C14orf132: variants seen among roughly 807,000 people sequenced by gnomAD.
C14orf132 encodes chromosome 14 open reading frame 132, also known as uncharacterized protein C14orf132.
Under a neutral mutation model 5.8 loss-of-function variants are expected in C14orf132, and 6 were observed. The observed-to-expected ratio is 1.03, with a 90% CI of 0.57 to 2.04. C14orf132 has a LOEUF of 2.04. Among genes scored for constraint, C14orf132 ranks in the 30% most tolerant of loss-of-function variants. The pLI is 0.00. For synonymous variants in C14orf132, 51 were observed against 49.8 expected, an observed-to-expected ratio of 1.02 and a Z score of -0.10; for missense variants, 125 against 115.8, an observed-to-expected ratio of 1.08 and a Z score of -0.37.
At chr14:96,074,421 A>T (rs1372814654) in intron 1 of C14orf132, among the ~76,000 whole-genome samples, 1 of 152,086 alleles carries the variant, frequency 6.6e-6, no homozygotes, top group Non-Finnish European at 1.5e-5. Flanking sequence ...TTGATGTTGG[A>T]TCTAATAACT....
Position 96,087,314 on chromosome 14 carries a change from C to A in C14orf132, c.*579C>A, listed in dbSNP as rs1888226575. ...CCAAGACCCAAGTGCATTGGGAGAC[C>A]CAGGGATGGGGGGTTACTGGTAATA... is the stretch of plus-strand genomic sequence containing the variant. On this transcript the variant is annotated 3_prime_UTR_variant, in exon 2 of 2. Transcript: ENST00000555004. 2.0e-5 allele frequency: 3 copies of A among 152,158 alleles called. No homozygotes were observed. The highest frequency in any genetic ancestry group is 2.9e-5 in the Non-Finnish European group (2 of 68,388). The allele number at this position is 152,158 out of a possible 1,614,324, so 9.4% of individuals were successfully genotyped here.
chr14:96,049,518 A>G (rs147820691), intron 1 of C14orf132, among the ~76,000 whole-genome samples: 1,452 of 143,494 alleles, frequency 0.01, 27 homozygotes, highest in Admixed American at 0.03. Flanking sequence ...GTATATACGT[A>G]TATATATACA....
Position 96,086,495 on chromosome 14 carries a change from C to G in C14orf132, c.28-16C>G, listed in dbSNP as rs761024004. 4.4e-5 allele frequency: 67 copies of G among 1,535,520 alleles called. No homozygotes were observed. The highest frequency in any genetic ancestry group is 5.8e-5 in the Non-Finnish European group (67 of 1,146,484). On this transcript the variant is annotated splice_polypyrimidine_tract_variant and intron_variant, in intron 1 of 1. Transcript: ENST00000555004. Reference sequence around the variant, plus strand: ...CCCCCATGGCCCTGGATAATTCTCTCTCTCCTTCTTTGCAGCTGCCCATGA... The same window carrying G: ...CCCCCATGGCCCTGGATAATTCTCTGTCTCCTTCTTTGCAGCTGCCCATGA...
chr14:96,060,824 C>A (rs901815863), intron 1 of C14orf132, among the ~76,000 whole-genome samples: 13 of 152,202 alleles, frequency 8.5e-5, no homozygotes, highest in African/African-American at 3.1e-4. Flanking sequence ...ATCTCCCGTG[C>A]CAAACATCCA....
intron 1 of C14orf132, among the ~76,000 whole-genome samples, chr14:96,062,888 G>A (rs1041874128): frequency 5.3e-5 from 8 of 152,056 alleles, no homozygotes; most frequent in Admixed American, 4.6e-4. Flanking sequence ...GGTTACTTAT[G>A]GAGCATAATA....
At chr14:96,081,612 T>C (rs540987031) in intron 1 of C14orf132, among the ~76,000 whole-genome samples, 1 of 152,154 alleles carries the variant, frequency 6.6e-6, no homozygotes, top group Non-Finnish European at 1.5e-5. Flanking sequence ...TTTTGTTTTC[T>C]TTTTTTGAGA....
chr14:96,075,733 T>C (rs1887843691), intron 1 of C14orf132, among the ~76,000 whole-genome samples: 1 of 152,186 alleles, frequency 6.6e-6, no homozygotes, highest in African/African-American at 2.4e-5. Context: ...ATTGTAAGGA[T>C]TGATTTTTTT....
chr14:96,064,363 T>TGTACACACAC (rs1555385084), intron 1 of C14orf132, among the ~76,000 whole-genome samples: 2 of 135,858 alleles, frequency 1.5e-5, no homozygotes, highest in Non-Finnish European at 3.1e-5. Flanking sequence ...GGTGCATATA[T>TGTACACACAC]ACACACACAC....
chr14:96,067,290 G>A (rs781154567), intron 1 of C14orf132, among the ~76,000 whole-genome samples: 17 of 152,214 alleles, frequency 1.1e-4, no homozygotes, highest in Non-Finnish European at 2.4e-4. Context: ...GAAAGCCAGT[G>A]TGGCCACTGC....
At chr14:96,049,894 T>A (rs901004883) in intron 1 of C14orf132, among the ~76,000 whole-genome samples, 4 of 151,814 alleles carry the variant, frequency 2.6e-5, no homozygotes, top group Non-Finnish European at 5.9e-5. Flanking sequence ...CCCAATGTAC[T>A]TTTGATACTA....
rs967472213 is a variant in C14orf132, at chr14:96,090,766, G to A, written c.*4031G>A. Reference sequence around the variant, plus strand: ...CAGATGCTTTTCCAGCCCCGGTTCAGCTGGAAGGCTTGGAGGCTGGCCAGA... The same window carrying A: ...CAGATGCTTTTCCAGCCCCGGTTCAACTGGAAGGCTTGGAGGCTGGCCAGA... On this transcript the variant is annotated 3_prime_UTR_variant, in exon 2 of 2. Transcript: ENST00000555004. The A allele has an allele frequency of 2.4e-5, 11 of 455,978 alleles. No individual in the cohort carries two copies. The highest frequency in any genetic ancestry group is 1.2e-4 in the African/African-American group (6 of 50,086). 28.2% of individuals were successfully genotyped at this position (455,978 alleles called of 1,614,324 possible).
At position 96,057,191 on chromosome 14, in the gene C14orf132, T is replaced by C. The variant is rs189600625; in HGVS notation, c.27+17664T>C. On this transcript the variant is annotated intron_variant, in intron 1 of 1. Coordinates refer to ENST00000555004, the MANE Select transcript of C14orf132 (RefSeq NM_001252507.3). ...TAGGAAGTGATTAGACCGTGAGGGC[T>C]TAACCCCCTCATGAATGGATTAATG... Among the ~76,000 whole-genome samples, 6 of 152,078 alleles carry C rather than the reference T, an allele frequency of 3.9e-5. No homozygotes were observed. The East Asian group carries it at 1.2e-3, about 29-fold the overall frequency.
chr14:96,040,600 A>G (rs1886664728), intron 1 of C14orf132, among the ~76,000 whole-genome samples: 1 of 152,136 alleles, frequency 6.6e-6, no homozygotes, highest in Non-Finnish European at 1.5e-5. Flanking sequence ...TGACAGCAAA[A>G]TCCAGACTGT....
At chr14:96,050,023 A>G (rs944901427) in intron 1 of C14orf132, among the ~76,000 whole-genome samples, 1 of 152,186 alleles carries the variant, frequency 6.6e-6, no homozygotes, top group Non-Finnish European at 1.5e-5. Flanking sequence ...TATGGAATAC[A>G]GTTATAACAA....
In C14orf132 at chr14:96,039,442, G is replaced by A. The variant is rs1886621247; in HGVS notation, c.-59G>A. ...CCCGATCCCCGCCAACTGTGCAGGC[G>A]GCTGACCCGCAGCGGCAGCGGCAGC... is the stretch of plus-strand genomic sequence containing the variant. On this transcript the variant is annotated 5_prime_UTR_variant, in exon 1 of 2. Coordinates refer to ENST00000555004, the MANE Select transcript of C14orf132 (RefSeq NM_001252507.3). The surrounding 1 kb of genome is among the most constrained non-coding windows in gnomAD (Gnocchi z 5.3). 8 of 1,464,322 alleles carry A rather than the reference G, an allele frequency of 5.5e-6. No homozygotes were observed. Among genetic ancestry groups the A allele is most frequent in the Non-Finnish European group, 6.3e-6 (7 of 1,106,354 alleles). The allele number at this position is 1,464,322 out of a possible 1,614,324, so 90.7% of individuals were successfully genotyped here. A position where few individuals can be genotyped will look rare whatever the true frequency, so the allele number is the denominator to read the frequency against.
At chr14:96,063,129 G>A (rs1237929357) in intron 1 of C14orf132, among the ~76,000 whole-genome samples, 1 of 152,144 alleles carries the variant, frequency 6.6e-6, no homozygotes, top group African/African-American at 2.4e-5. Context: ...GGTAAGCAGA[G>A]GCCAGGGAGC....
At chr14:96,049,486 G>GCATATATATACGTATATATACGTATATA (rs1283955012) in intron 1 of C14orf132, among the ~76,000 whole-genome samples, 1 of 142,040 alleles carries the variant, frequency 7.0e-6, no homozygotes, top group Admixed American at 7.1e-5. Context: ...GTATATATAT[G>GCATATATATACGTATATATACGTATATA]CATATATATA....
At chr14:96,077,852 G>T (rs1483849643) in intron 1 of C14orf132, among the ~76,000 whole-genome samples, 4 of 152,214 alleles carry the variant, frequency 2.6e-5, no homozygotes, top group African/African-American at 9.7e-5. Flanking sequence ...CATGGCAGGG[G>T]TTTGCACCAT....
At chr14:96,085,327 T>A (rs1888149838) in intron 1 of C14orf132, among the ~76,000 whole-genome samples, 2 of 152,170 alleles carry the variant, frequency 1.3e-5, no homozygotes, top group South Asian at 2.1e-4. Context: ...AAAAGAAACA[T>A]TGATTATGGG....
Sources: gnomAD v4.1 joint callset for allele counts (sites outside exome capture counted in the v4.1 genomes callset) on GRCh38, gnomAD v4.1.1 for gene constraint, Gnocchi (gnomAD v3.1) non-coding constraint, MANE v1.5 for transcripts, NCBI Gene and HGNC (gene_info 2026-07-23, HGNC 2026-07-21) for gene names.